The following NHSL2 variants were observed in gnomAD, a reference collection of about 807,000 sequenced individuals.
NHSL2 encodes the protein NHS like 2.
A neutral mutation model predicts 53.4 loss-of-function variants in NHSL2; 27 were observed. That is an observed-to-expected ratio of 0.51 (90% CI 0.37 to 0.70). NHSL2 has a LOEUF of 0.70. NHSL2 is among the 30% of genes least tolerant of loss of function. The pLI is 0.00. For synonymous variants in NHSL2, 408 were observed against 404.1 expected (o/e 1.01, Z -0.12); for missense variants, 892 against 980.1 (o/e 0.91, Z 1.20).
chrX:72,142,797 A>T (rs190532537), intron 7 of NHSL2, among the ~76,000 whole-genome samples: 1 of 112,244 alleles, frequency 8.9e-6, no homozygotes, highest in Non-Finnish European at 1.9e-5. Context: ...CAGGCAGCAT[A>T]TCAAAACAGG....
At position 72,152,192 on chromosome X, in the gene NHSL2, C is replaced by T. The variant is rs2042519384; in HGVS notation, c.*8618C>T. The stretch of plus-strand genomic sequence containing the variant: ...GCTCCCATCTCCACCTCTAATGCTT[C>T]TTGGGAGTCTGAAGCTCAGATTCAC... On this transcript the variant is annotated 3_prime_UTR_variant, in exon 8 of 8. Transcript: ENST00000633930. 8.8e-6 allele frequency: 1 copy of T among 113,185 alleles called. No individual in the cohort carries two copies. Among genetic ancestry groups the T allele is most frequent in the Admixed American group, 9.3e-5 (1 of 10,700 alleles). 9.3% of individuals were successfully genotyped at this position (113,185 alleles called of 1,213,427 possible).
intron 1 of NHSL2, among the ~76,000 whole-genome samples, chrX:72,011,872 T>C (rs943714243): frequency 2.7e-5 from 3 of 112,017 alleles, no homozygotes; most frequent in African/African-American, 9.7e-5. Context: ...AGATTAGTGA[T>C]GTTGAACATT....
chrX:71,937,841 A>G (rs953468135), intron 1 of NHSL2, among the ~76,000 whole-genome samples: 1 of 112,244 alleles, frequency 8.9e-6, no homozygotes, highest in African/African-American at 3.2e-5. Flanking sequence ...ATGATGAGTT[A>G]GCTGAGGGCT....
intron 1 of NHSL2, among the ~76,000 whole-genome samples, chrX:72,002,442 T>A (rs1470636159): frequency 8.9e-6 from 1 of 112,916 alleles, no homozygotes; most frequent in Non-Finnish European, 1.9e-5. Context: ...CTCTAGATAA[T>A]TCTACAGTGT....
intron 1 of NHSL2, among the ~76,000 whole-genome samples, chrX:72,095,588 C>T (rs887169475): frequency 1.2e-4 from 14 of 112,219 alleles, no homozygotes; most frequent in Non-Finnish European, 1.3e-4. Flanking sequence ...GCAGGGAATC[C>T]CCACAGGACT....
chrX:71,921,514 T>C (rs2041658907), intron 1 of NHSL2, among the ~76,000 whole-genome samples: 1 of 110,743 alleles, frequency 9.0e-6, no homozygotes, highest in Non-Finnish European at 1.9e-5. Flanking sequence ...TATGATGAAG[T>C]AGAGTAAAAC....
intron 1 of NHSL2, chrX:72,044,622 T>G: frequency 1.8e-6 from 2 of 1,138,571 alleles, no homozygotes; most frequent in Non-Finnish European, 2.4e-6. Context: ...GCACTAACTG[T>G]GTCCGATGCG....
chrX:71,916,443 T>A (rs952999564), intron 1 of NHSL2, among the ~76,000 whole-genome samples: 2 of 112,036 alleles, frequency 1.8e-5, no homozygotes, highest in Middle Eastern at 4.2e-3. Flanking sequence ...CATTATTTTC[T>A]AGCCTCGAAA....
At chrX:72,041,935 G>C (rs749961692) in intron 1 of NHSL2, among the ~76,000 whole-genome samples, 3 of 112,057 alleles carry the variant, frequency 2.7e-5, no homozygotes, top group Admixed American at 1.9e-4. Context: ...TCGTGCGCTC[G>C]GGAGCCACCC....
At chrX:72,107,048 C>T (rs1290919941) in intron 1 of NHSL2, among the ~76,000 whole-genome samples, 2 of 110,682 alleles carry the variant, frequency 1.8e-5, no homozygotes, top group Non-Finnish European at 3.8e-5. Flanking sequence ...ACCAACATGG[C>T]ACATGTGTAC....
At position 72,140,159 on chromosome X, in the gene NHSL2, G is replaced by A. The variant is rs138074424; in HGVS notation, c.2611G>A (p.Val871Ile). ...GCCAGAGAGAAAGACAAAACCTCCC[G>A]TAGCTGAGAAGCCTCCGGTGGCCCG... ...TLPERKTKPPVAEKPPVARRP... is the reference protein window; with the variant it reads ...TLPERKTKPPIAEKPPVARRP... The change falls in exon 6 of 8, where the codon GTA (valine) becomes ATA (isoleucine). Residue 871 changes from valine (V) to isoleucine (I), a missense_variant. Coordinates refer to ENST00000633930, the MANE Select transcript of NHSL2 (RefSeq NM_001013627.3). 70 of 1,209,055 alleles carry A rather than the reference G, an allele frequency of 5.8e-5. No homozygotes were observed. The highest frequency in any genetic ancestry group is 7.4e-5 in the Non-Finnish European group (66 of 894,786).
chrX:71,910,985 G>A lies in NHSL2; in HGVS notation c.-103G>A. 1.5e-6 allele frequency: 1 copy of A among 661,843 alleles called. No individual in the cohort carries two copies. Among genetic ancestry groups the A allele is most frequent in the Non-Finnish European group, 2.0e-6 (1 of 511,522 alleles). The allele number at this position is 661,843 out of a possible 1,213,427, so 54.5% of individuals were successfully genotyped here. A position where few individuals can be genotyped will look rare whatever the true frequency, so the allele number is the denominator to read the frequency against. ...CCGCGCCCAGGGGCCTGCTACACCC[G>A]GAGCTGGGGCCGCCGCTCAGGGGCG... On this transcript the variant is annotated 5_prime_UTR_variant, in exon 1 of 8. Transcript: ENST00000633930.
At chrX:71,990,711 C>T (rs1402988986) in intron 1 of NHSL2, among the ~76,000 whole-genome samples, 1 of 112,247 alleles carries the variant, frequency 8.9e-6, no homozygotes, top group Non-Finnish European at 1.9e-5. Context: ...CTTGTCAACA[C>T]TGCTAGATGA....
At position 72,140,389 on chromosome X, in the gene NHSL2, T is replaced by C. The variant is rs1202233563; in HGVS notation, c.2841T>C (p.Leu947=). The C allele has an allele frequency of 8.3e-7, 1 of 1,210,566 alleles. No homozygotes were observed. Among genetic ancestry groups the C allele is most frequent in the Admixed American group, 2.2e-5 (1 of 45,939 alleles). Reference sequence around the variant, plus strand: ...GGGAGTCAACAGCACCCTCATCTCTTGTTTTCACGCCTTTTGCCAGTTCCT... The same window carrying C: ...GGGAGTCAACAGCACCCTCATCTCTCGTTTTCACGCCTTTTGCCAGTTCCT... ...SPGESTAPSS[L]VFTPFASSSD... is the part of the protein sequence containing the mutation. Residue 947 remains leucine, a synonymous_variant, in exon 6 of 8, where the codon CTT becomes CTC. Coordinates refer to ENST00000633930, the MANE Select transcript of NHSL2 (RefSeq NM_001013627.3).
chrX:72,107,978 G>A (rs1255146999), intron 1 of NHSL2, among the ~76,000 whole-genome samples: 6 of 112,014 alleles, frequency 5.4e-5, no homozygotes, highest in African/African-American at 2.0e-4. Context: ...TCTTGGCCCC[G>A]TGGAGGCTGG....
intron 1 of NHSL2, among the ~76,000 whole-genome samples, chrX:71,983,847 C>T (rs2041991207): frequency 9.0e-6 from 1 of 111,538 alleles, no homozygotes; most frequent in South Asian, 3.8e-4. Flanking sequence ...CCGGAGGTCA[C>T]TCTCATCGCC....
chrX:72,003,008 G>A (rs1041842648), intron 1 of NHSL2, among the ~76,000 whole-genome samples: 8 of 110,370 alleles, frequency 7.2e-5, no homozygotes, highest in South Asian at 3.9e-4. Context: ...GTCCATATGC[G>A]CACAGAGATT....
intron 1 of NHSL2, among the ~76,000 whole-genome samples, chrX:71,943,235 C>T (rs910060511): frequency 5.4e-5 from 6 of 111,770 alleles, no homozygotes; most frequent in African/African-American, 9.8e-5. Context: ...TACAGGCGCA[C>T]GCCACCATGC....
At chrX:71,966,424 A>G (rs1048346547) in intron 1 of NHSL2, among the ~76,000 whole-genome samples, 3 of 112,093 alleles carry the variant, frequency 2.7e-5, no homozygotes, top group African/African-American at 9.7e-5. Flanking sequence ...TGTTAGCCAT[A>G]GGTTTTGTGT....
Sources: gnomAD v4.1 joint callset for allele counts (sites outside exome capture counted in the v4.1 genomes callset) on GRCh38, gnomAD v4.1.1 for gene constraint, MANE v1.5 for transcripts, NCBI Gene and HGNC (gene_info 2026-07-23, HGNC 2026-07-21) for gene names.